Variants in PTPRS observed in about 807,000 individuals in gnomAD.
PTPRS encodes protein tyrosine phosphatase receptor type S, also known as receptor-type tyrosine-protein phosphatase S.
A neutral mutation model predicts 215.3 loss-of-function variants in PTPRS; 63 were observed. That is an observed-to-expected ratio of 0.29 (90% CI 0.24 to 0.36). The LOEUF (loss-of-function observed/expected upper bound fraction) is 0.36, where lower values mean the gene tolerates loss of function less well. Among genes scored for constraint, PTPRS ranks in the 10% least tolerant of loss-of-function variants. The pLI is 1.00. For missense variants in PTPRS, 2,258 were observed against 2,825.8 expected, an observed-to-expected ratio of 0.80 and a Z score of 4.56; for synonymous variants, 1,404 against 1,191.4, an observed-to-expected ratio of 1.18 and a Z score of -3.68.
At chr19:5,329,186 C>T (rs532895851) in intron 1 of PTPRS, among the ~76,000 whole-genome samples, 1 of 152,082 alleles carries the variant, frequency 6.6e-6, no homozygotes, top group Admixed American at 6.6e-5. Context: ...GAGGTGGAAA[C>T]AGGAGAAGGA....
intron 30 of PTPRS, 121 bp from the exon 31 acceptor site, chr19:5,212,612 G>C: frequency 1.7e-6 from 2 of 1,193,908 alleles, no homozygotes; most frequent in East Asian, 2.6e-5. Context: ...GGGAGGCCGA[G>C]GTGGGCGGAT....
rs767556074 is a variant in PTPRS, at chr19:5,273,591, G to A, written c.238-8C>T. The stretch of plus-strand genomic sequence containing the variant: ...CTCATCAAACTCAATCGTCTGCCAT[G>A]GGCAGGGGAAAAAAGAACAGAGTGA... On this transcript the variant is annotated splice_polypyrimidine_tract_variant and splice_region_variant and intron_variant, in intron 3 of 37. Coordinates refer to ENST00000262963, the MANE Select transcript of PTPRS (RefSeq NM_002850.4). 2.4e-5 allele frequency: 38 copies of A among 1,613,920 alleles called. 1 individual carries two copies. Among genetic ancestry groups the A allele is most frequent in the African/African-American group, 4.0e-5 (3 of 74,920 alleles).
chr19:5,276,727 G>A (rs1051208186), intron 2 of PTPRS, among the ~76,000 whole-genome samples: 2 of 151,524 alleles, frequency 1.3e-5, no homozygotes, highest in Admixed American at 6.6e-5. Context: ...ATTTTTAGTA[G>A]AGATGGGGGT....
chr19:5,260,459 C>T (rs145879724), intron 7 of PTPRS, among the ~76,000 whole-genome samples: 3 of 152,170 alleles, frequency 2.0e-5, no homozygotes, highest in African/African-American at 7.2e-5. Context: ...GGATTACAGG[C>T]GTGAACCACC....
Position 5,210,626 on chromosome 19 carries a change from T to C in PTPRS, c.5362-32A>G. 1 of 1,614,096 alleles carries C rather than the reference T, an allele frequency of 6.2e-7. No individual in the cohort carries two copies. Among genetic ancestry groups the C allele is most frequent in the Non-Finnish European group, 8.5e-7 (1 of 1,179,998 alleles). ...AGGAGATGGCGGCCGTGGTCAGCGC[T>C]GTCTGAGCCACAGTCTGGCCCTCGC... On this transcript the variant is annotated intron_variant, in intron 34 of 37. Transcript: ENST00000262963. This position sits in a 1 kb window ranked among gnomAD's most constrained non-coding sequence, Gnocchi z 4.5.
Position 5,221,349 on chromosome 19 carries a change from G to T in PTPRS, c.3202-96C>A, listed in dbSNP as rs552242585. ...GAGTCCCCCACCCTGACTGAGCCCT[G>T]ATCCCACTGAATCCTGCCCTAGGCA... On this transcript the variant is annotated intron_variant, in intron 19 of 37. Coordinates refer to ENST00000262963, the MANE Select transcript of PTPRS (RefSeq NM_002850.4). 3 of 1,478,276 alleles carry T rather than the reference G, an allele frequency of 2.0e-6. No individual in the cohort carries two copies. The South Asian group carries it at 4.0e-5, about 20-fold the overall frequency. 91.6% of individuals were successfully genotyped at this position (1,478,276 alleles called of 1,614,324 possible).
chr19:5,243,805 T>C, intron 11 of PTPRS, 96 bp downstream of exon 11: 3 of 1,105,088 alleles, frequency 2.7e-6, no homozygotes, highest in South Asian at 3.4e-5. Flanking sequence ...TAAAGCACCG[T>C]GCATAACCCA....
At chr19:5,219,034 C>G (rs2041745602) in intron 23 of PTPRS, 2 of 630,276 alleles carry the variant, frequency 3.2e-6, no homozygotes, top group Non-Finnish European at 5.5e-6. Context: ...AATTGCTATC[C>G]TCATTGAACT....
rs1319897045 is a variant in PTPRS at position 5,257,929 on chromosome 19, G to A, written c.706+88C>T. 2.7e-5 allele frequency: 31 copies of A among 1,168,698 alleles called. No individual in the cohort carries two copies. Among genetic ancestry groups the A allele is most frequent in the East Asian group, 1.2e-4 (5 of 42,348 alleles). 72.4% of individuals were successfully genotyped at this position (1,168,698 alleles called of 1,614,324 possible). A position where few individuals can be genotyped will look rare whatever the true frequency, so the allele number is the denominator to read the frequency against. On this transcript the variant is annotated intron_variant, in intron 8 of 37. Transcript: ENST00000262963. The surrounding 1 kb of genome is among the most constrained non-coding windows in gnomAD (Gnocchi z 4.4). ...CTTCCTGCTTGGGTGTGCAGGGGAC[G>A]GGGGAGCCCGGAGGCGGTGAGCCCG...
intron 26 of PTPRS, among the ~76,000 whole-genome samples, chr19:5,216,031 T>C (rs1436992455): frequency 6.6e-6 from 1 of 152,042 alleles, no homozygotes; most frequent in Non-Finnish European, 1.5e-5. Flanking sequence ...TGTCCTTGGG[T>C]GGGCGACTGA....
At chr19:5,264,559 C>T (rs1000124890) in intron 5 of PTPRS, among the ~76,000 whole-genome samples, 28 of 152,204 alleles carry the variant, frequency 1.8e-4, no homozygotes, top group African/African-American at 6.8e-4. Context: ...AAGCCTTCTG[C>T]CTTGGCCTCC....
At chr19:5,290,192 A>G (rs868063440) in intron 1 of PTPRS, among the ~76,000 whole-genome samples, 1 of 152,146 alleles carries the variant, frequency 6.6e-6, no homozygotes, top group Admixed American at 6.5e-5. Context: ...ACTGCCCACC[A>G]CTAGCTCACG....
rs911940804 is a variant in PTPRS at position 5,273,379 on chromosome 19, T to C, written c.379+63A>G. 1.4e-5 allele frequency: 22 copies of C among 1,610,446 alleles called. No homozygotes were observed. In the Admixed American group the frequency reaches 2.3e-4, roughly 17 times the overall value. On this transcript the variant is annotated intron_variant, in intron 4 of 37. Coordinates refer to ENST00000262963, the MANE Select transcript of PTPRS (RefSeq NM_002850.4). ...TTGGGGTAACTTTCATGTATTCCTTTTGTGCTTGTCCCCAAAGCCCAGGGC... is the reference window on the plus strand; with the variant it reads ...TTGGGGTAACTTTCATGTATTCCTTCTGTGCTTGTCCCCAAAGCCCAGGGC...
At chr19:5,229,423 TG>T in intron 15 of PTPRS, 67 bp downstream of exon 15, 13 of 1,358,408 alleles carry the variant, frequency 9.6e-6, no homozygotes, top group South Asian at 1.9e-5. Context: ...GAAGCAGAGG[TG>T]GGGGGAGCGC....
intron 32 of PTPRS, 66 bp downstream of exon 32, chr19:5,211,899 G>A: frequency 6.4e-7 from 1 of 1,551,732 alleles, no homozygotes; most frequent in Non-Finnish European, 8.7e-7. Flanking sequence ...CTCGAGGCGG[G>A]CCTGATTTTC....
rs2049048894 is a variant in PTPRS at position 5,294,103 on chromosome 19, C to G, written c.-94-7869G>C. 1 of 152,270 alleles carries G rather than the reference C, an allele frequency of 6.6e-6. No individual in the cohort carries two copies. The highest frequency in any genetic ancestry group is 1.5e-5 in the Non-Finnish European group (1 of 68,072). 9.4% of individuals were successfully genotyped at this position (152,270 alleles called of 1,614,324 possible). ...AGGCCGGGATGGAGACCCAAGGGCT[C>G]CCGCGTCTGCTCCCATCCCTGGAAA... On this transcript the variant is annotated intron_variant, in intron 1 of 37. Transcript: ENST00000262963. This position sits in a 1 kb window ranked among gnomAD's most constrained non-coding sequence, Gnocchi z 5.1.
chr19:5,235,069 T>C (rs1303591963), intron 13 of PTPRS, among the ~76,000 whole-genome samples: 2 of 151,536 alleles, frequency 1.3e-5, no homozygotes, highest in South Asian at 2.1e-4. Context: ...GCCTCCCGAG[T>C]AGCTGGGACT....
At chr19:5,285,492 G>A (rs868598036) in intron 2 of PTPRS, among the ~76,000 whole-genome samples, 26 of 152,268 alleles carry the variant, frequency 1.7e-4, no homozygotes, top group Admixed American at 7.8e-4. Context: ...TTCTATCGGC[G>A]AACTCCTATA....
intron 7 of PTPRS, among the ~76,000 whole-genome samples, chr19:5,258,923 C>G (rs1246280364): frequency 6.6e-6 from 1 of 152,182 alleles, no homozygotes; most frequent in African/African-American, 2.4e-5. Flanking sequence ...AAACCACAAG[C>G]CTGAAGTCAA....
Sources: gnomAD v4.1 joint callset for allele counts (sites outside exome capture counted in the v4.1 genomes callset) on GRCh38, gnomAD v4.1.1 for gene constraint, Gnocchi (gnomAD v3.1) non-coding constraint, MANE v1.5 for transcripts, NCBI Gene and HGNC (gene_info 2026-07-23, HGNC 2026-07-21) for gene names.